The following NIPAL2 variants were observed in gnomAD, a reference collection of about 807,000 sequenced individuals.
NIPAL2 encodes the protein NIPA-like protein 2.
In NIPAL2, 43 loss-of-function variants were observed where a neutral mutation model predicts 48.9. The observed-to-expected ratio is 0.88, with a 90% confidence interval of 0.69 to 1.13. NIPAL2 has a LOEUF of 1.13. Ranked by LOEUF, NIPAL2 falls within the 50% of genes most tolerant of loss-of-function variation. NIPAL2 has a pLI of 0.00. For missense variants in NIPAL2, 446 were observed against 461.4 expected (o/e 0.97, Z 0.31); for synonymous variants, 167 against 174.6 (o/e 0.96, Z 0.34).
At position 98,190,192 on chromosome 8, in the gene NIPAL2, TGA is replaced by T. The variant is rs1563798574; in HGVS notation, c.*2784_*2785del. ...AAAGTATCTCATTTGTCATGAGCCA[TGA>T]GTGTCACTTTTTAAACTCCTTCCCT... On this transcript the variant is annotated 3_prime_UTR_variant, in exon 11 of 11. Coordinates refer to ENST00000430223, the MANE Select transcript of NIPAL2 (RefSeq NM_001321635.2). 1 of 152,274 alleles carries T rather than the reference TGA, an allele frequency of 6.6e-6. No individual in the cohort carries two copies. Among genetic ancestry groups the T allele is most frequent in the Non-Finnish European group, 1.5e-5 (1 of 68,094 alleles). 9.4% of individuals were successfully genotyped at this position (152,274 alleles called of 1,614,324 possible).
chr8:98,253,239 C>T lies in NIPAL2; in HGVS notation c.205-605G>A, dbSNP rs1352068252. 3.3e-5 allele frequency among the ~76,000 whole-genome samples: 5 copies of T among 152,192 alleles called. No individual in the cohort carries two copies. The South Asian group carries it at 6.2e-4, about 19-fold the overall frequency. On this transcript the variant is annotated intron_variant, in intron 2 of 10. Coordinates refer to ENST00000430223, the MANE Select transcript of NIPAL2 (RefSeq NM_001321635.2). ...ATGTATAGGAAAAACATAGTATATACTGAATAGGGTTCAGTATTAGCTCTC... is the reference window on the plus strand; with the variant it reads ...ATGTATAGGAAAAACATAGTATATATTGAATAGGGTTCAGTATTAGCTCTC...
At chr8:98,219,106 G>A (rs1811718630) in intron 5 of NIPAL2, among the ~76,000 whole-genome samples, 2 of 152,022 alleles carry the variant, frequency 1.3e-5, no homozygotes, top group Non-Finnish European at 2.9e-5. Flanking sequence ...TAGGTTTCCA[G>A]TATGGGAGGC....
At chr8:98,254,940 T>C (rs541431910) in intron 1 of NIPAL2, among the ~76,000 whole-genome samples, 1 of 152,348 alleles carries the variant, frequency 6.6e-6, no homozygotes, top group Admixed American at 6.5e-5. Context: ...CAGACCACCT[T>C]GGCCCACCTT....
At chr8:98,252,174 A>C in intron 3 of NIPAL2, 1 of 289,208 alleles carries the variant, frequency 3.5e-6, no homozygotes, top group Non-Finnish European at 6.3e-6. Flanking sequence ...TAACTCATTA[A>C]TGATTACAAG....
chr8:98,280,015 A>C (rs767399883), intron 1 of NIPAL2, among the ~76,000 whole-genome samples: 1 of 152,192 alleles, frequency 6.6e-6, no homozygotes, highest in African/African-American at 2.4e-5. Flanking sequence ...TGGAATAACA[A>C]TTTTCTATCC....
chr8:98,250,882 G>A (rs533013495), intron 3 of NIPAL2, among the ~76,000 whole-genome samples: 70 of 152,264 alleles, frequency 4.6e-4, no homozygotes, highest in Non-Finnish European at 7.4e-4. Context: ...TTCACTGAAG[G>A]TCTAGGAAGG....
chr8:98,221,768 C>T (rs376156580), intron 5 of NIPAL2, among the ~76,000 whole-genome samples: 18 of 152,052 alleles, frequency 1.2e-4, no homozygotes, highest in African/African-American at 4.1e-4. Context: ...GTTAGAATGG[C>T]GATCATTAAA....
intron 1 of NIPAL2, among the ~76,000 whole-genome samples, chr8:98,254,380 A>T (rs900612784): frequency 6.6e-6 from 1 of 152,204 alleles, no homozygotes; most frequent in Non-Finnish European, 1.5e-5. Context: ...TCCAATCAAG[A>T]TGCTGCTTCT....
chr8:98,251,002 C>T (rs573962241), intron 3 of NIPAL2, among the ~76,000 whole-genome samples: 1 of 152,016 alleles, frequency 6.6e-6, no homozygotes, highest in Non-Finnish European at 1.5e-5. Context: ...ACAATATTTC[C>T]CCTTTGTTTG....
At chr8:98,222,801 A>T (rs962105274) in intron 4 of NIPAL2, among the ~76,000 whole-genome samples, 2 of 152,136 alleles carry the variant, frequency 1.3e-5, no homozygotes, top group Admixed American at 1.3e-4. Context: ...GAGCCGGGGG[A>T]TGGATGGGGC....
At chr8:98,284,048 G>C (rs1206623362) in intron 1 of NIPAL2, among the ~76,000 whole-genome samples, 1 of 152,088 alleles carries the variant, frequency 6.6e-6, no homozygotes, top group African/African-American at 2.4e-5. Flanking sequence ...TCACAGCCAG[G>C]CTAATTTCCT....
chr8:98,227,705 A>C (rs1276536580), intron 4 of NIPAL2, among the ~76,000 whole-genome samples: 5 of 152,188 alleles, frequency 3.3e-5, no homozygotes, highest in African/African-American at 9.6e-5. Context: ...CTGTGAGCTG[A>C]GCTGCCAGGG....
At chr8:98,202,532 T>G (rs1810851441) in intron 8 of NIPAL2, among the ~76,000 whole-genome samples, 1 of 152,152 alleles carries the variant, frequency 6.6e-6, no homozygotes, top group African/African-American at 2.4e-5. Flanking sequence ...ATATGAGATC[T>G]GGTTGTTAAA....
intron 2 of NIPAL2, among the ~76,000 whole-genome samples, chr8:98,253,586 G>A (rs910768920): frequency 9.2e-5 from 14 of 151,982 alleles, no homozygotes; most frequent in Admixed American, 7.2e-4. Flanking sequence ...TTAGTCTATA[G>A]TGGCATATTT....
chr8:98,271,551 G>A (rs921200199), intron 1 of NIPAL2, among the ~76,000 whole-genome samples: 7 of 152,038 alleles, frequency 4.6e-5, no homozygotes, highest in African/African-American at 1.7e-4. Flanking sequence ...TTTGTATCTG[G>A]AAACTCTACT....
chr8:98,223,356 G>A (rs994184728), intron 4 of NIPAL2, among the ~76,000 whole-genome samples: 2 of 152,104 alleles, frequency 1.3e-5, no homozygotes, highest in Non-Finnish European at 2.9e-5. Context: ...GGATTAGGGG[G>A]TGAGGCCACC....
intron 3 of NIPAL2, among the ~76,000 whole-genome samples, chr8:98,244,313 CGTGGTG>C (rs1813154461): frequency 1.2e-5 from 1 of 81,538 alleles, no homozygotes; most frequent in African/African-American, 5.0e-5. Flanking sequence ...AGAGGGTGGG[CGTGGTG>C]ATGAGGGGTA....
At chr8:98,275,499 C>T (rs1178894116) in intron 1 of NIPAL2, among the ~76,000 whole-genome samples, 1 of 152,140 alleles carries the variant, frequency 6.6e-6, no homozygotes, top group Non-Finnish European at 1.5e-5. Flanking sequence ...TAATTATTCA[C>T]TCATTGAATG....
intron 1 of NIPAL2, among the ~76,000 whole-genome samples, chr8:98,273,215 C>A (rs145005847): frequency 1.3e-5 from 2 of 152,160 alleles, no homozygotes; most frequent in African/African-American, 2.4e-5. Flanking sequence ...CATGCTACAA[C>A]CTAGATGAAC....
Sources: allele counts gnomAD v4.1 joint callset (sites outside exome capture counted in the v4.1 genomes callset), GRCh38; gene constraint gnomAD v4.1.1; transcripts MANE v1.5; gene names NCBI Gene and HGNC (gene_info 2026-07-23, HGNC 2026-07-21).